Variants in YTHDF3 observed in about 807,000 individuals in gnomAD.
The protein encoded by YTHDF3 is YTH N6-methyladenosine RNA binding protein F3, also known as YTH domain-containing family protein 3.
Under a neutral mutation model 52.5 loss-of-function variants are expected in YTHDF3, and 9 were observed. The ratio of observed to expected loss-of-function variants is 0.17; its 90% confidence interval spans 0.10 to 0.30. YTHDF3 has a LOEUF of 0.30. Among genes scored for constraint, YTHDF3 ranks in the 10% least tolerant of loss-of-function variants. The probability of loss-of-function intolerance (pLI) is 1.00; values close to 1 mark genes in which losing one functional copy is unlikely to be tolerated. For synonymous variants in YTHDF3, 274 were observed against 243.3 expected, an observed-to-expected ratio of 1.13 and a Z score of -1.18; for missense variants, 534 against 715.0, an observed-to-expected ratio of 0.75 and a Z score of 2.89.
At position 63,203,454 on chromosome 8, in the gene YTHDF3, T is replaced by A. The variant is rs182937477; in HGVS notation, c.1735-6229T>A. 1.5e-3 allele frequency among the ~76,000 whole-genome samples: 234 copies of A among 152,334 alleles called. 2 individuals are homozygous for A. The highest frequency in any genetic ancestry group is 4.0e-3 in the African/African-American group (168 of 41,570). On this transcript the variant is annotated intron_variant, in intron 4 of 4. Transcript: ENST00000539294. ...TGTATGCAAGTTATAGTTTACTAAA[T>A]TTAGTGATTTTTAAAAAACTTTATT...
intron 4 of YTHDF3, among the ~76,000 whole-genome samples, chr8:63,191,985 T>C (rs1318066666): frequency 6.6e-6 from 1 of 152,228 alleles, no homozygotes; most frequent in Admixed American, 6.5e-5. Flanking sequence ...ACTTAAAATA[T>C]GTATATTTTT....
chr8:63,176,674 GTT>G (rs10710672), intron 3 of YTHDF3, among the ~76,000 whole-genome samples: 4,006 of 146,330 alleles, frequency 0.027, 177 homozygotes, highest in African/African-American at 0.094. Context: ...TAGAAACTCA[GTT>G]TTTTTTTTTT....
In YTHDF3 at chr8:63,211,619, A is replaced by G. The variant is rs1405349596; in HGVS notation, c.*1913A>G. 6.6e-6 allele frequency: 1 copy of G among 152,528 alleles called. No individual in the cohort carries two copies. The highest frequency in any genetic ancestry group is 1.9e-4 in the East Asian group (1 of 5,190). The allele number at this position is 152,528 out of a possible 1,614,324, so 9.4% of individuals were successfully genotyped here. A position where few individuals can be genotyped will look rare whatever the true frequency, so the allele number is the denominator to read the frequency against. ...GAGGTTCTCTTTTTCTTGGTGCTTTATTAGCAACTCTGGATATTTTTATAA... is the reference window on the plus strand; with the variant it reads ...GAGGTTCTCTTTTTCTTGGTGCTTTGTTAGCAACTCTGGATATTTTTATAA... On this transcript the variant is annotated 3_prime_UTR_variant, in exon 5 of 5. Coordinates refer to ENST00000539294, the MANE Select transcript of YTHDF3 (RefSeq NM_152758.6).
chr8:63,201,733 GC>G lies in YTHDF3; in HGVS notation c.1735-7949del, dbSNP rs1186380798. ...GAAATAACTTGAGGGAATTAAAAAA[GC>G]ATAGTGAAAATCTACAATTAGAGAA... On this transcript the variant is annotated intron_variant, in intron 4 of 4. Transcript: ENST00000539294. 2.0e-5 allele frequency among the ~76,000 whole-genome samples: 3 copies of G among 152,150 alleles called. 1 individual carries two copies.
intron 4 of YTHDF3, among the ~76,000 whole-genome samples, chr8:63,208,446 C>T (rs1810178226): frequency 6.6e-6 from 1 of 152,176 alleles, no homozygotes; most frequent in Admixed American, 6.5e-5. Context: ...AAGTGAGAGT[C>T]TTTTAATGTG....
intron 1 of YTHDF3, 143 bp from the exon 2 acceptor site, chr8:63,169,244 T>C: frequency 1.5e-6 from 2 of 1,301,176 alleles, no homozygotes; most frequent in Non-Finnish European, 2.1e-6. Context: ...GTTGGGAAAT[T>C]GGTGGCTGTG....
intron 4 of YTHDF3, among the ~76,000 whole-genome samples, chr8:63,189,258 A>G (rs1340354749): frequency 6.6e-6 from 1 of 152,192 alleles, no homozygotes; most frequent in Non-Finnish European, 1.5e-5. Flanking sequence ...AGCCCCCCAA[A>G]TATTGGCTAG....
At chr8:63,179,808 C>T (rs567141634) in intron 3 of YTHDF3, among the ~76,000 whole-genome samples, 12 of 151,646 alleles carry the variant, frequency 7.9e-5, no homozygotes, top group African/African-American at 2.4e-4. Flanking sequence ...GGCAGAGGTG[C>T]CCCTCACCTC....
chr8:63,197,367 CTA>C (rs1209778160), intron 4 of YTHDF3, among the ~76,000 whole-genome samples: 5 of 151,844 alleles, frequency 3.3e-5, no homozygotes, highest in African/African-American at 1.2e-4. Context: ...AAAATGCTGT[CTA>C]TTGGTTTTTT....
chr8:63,194,175 T>C (rs1335135486), intron 4 of YTHDF3, among the ~76,000 whole-genome samples: 2 of 152,192 alleles, frequency 1.3e-5, no homozygotes, highest in Non-Finnish European at 2.9e-5. Context: ...CTTCATCTTT[T>C]TGGTCGTAAA....
At chr8:63,195,731 C>CGTGTGT (rs61277098) in intron 4 of YTHDF3, among the ~76,000 whole-genome samples, 2,033 of 145,328 alleles carry the variant, frequency 0.014, 20 homozygotes, top group Non-Finnish European at 0.016. Flanking sequence ...CATGTATTTA[C>CGTGTGT]GTGTGTGTGT....
At chr8:63,179,925 G>T (rs1807975594) in intron 3 of YTHDF3, among the ~76,000 whole-genome samples, 1 of 151,398 alleles carries the variant, frequency 6.6e-6, no homozygotes, top group Non-Finnish European at 1.5e-5. Context: ...GGGCGGCCGG[G>T]CAGAGGCACC....
chr8:63,204,427 T>G (rs1809855234), intron 4 of YTHDF3, among the ~76,000 whole-genome samples: 1 of 151,272 alleles, frequency 6.6e-6, no homozygotes, highest in Non-Finnish European at 1.5e-5. Flanking sequence ...AATGGCGTGA[T>G]CTCGGGTCAC....
intron 4 of YTHDF3, among the ~76,000 whole-genome samples, chr8:63,205,364 A>G (rs539088251): frequency 6.6e-5 from 10 of 152,244 alleles, no homozygotes; most frequent in African/African-American, 1.2e-4. Flanking sequence ...TTAACTATAC[A>G]GTACCTCATT....
chr8:63,179,219 ATTTC>A (rs1807903661), intron 3 of YTHDF3, among the ~76,000 whole-genome samples: 2 of 148,614 alleles, frequency 1.3e-5, no homozygotes, highest in African/African-American at 4.9e-5. Context: ...TCAGTCCTTC[ATTTC>A]TTTTTTTTTT....
Position 63,168,733 on chromosome 8 carries a change from G to T in YTHDF3, c.-145G>T. 1 of 1,494,644 alleles carries T rather than the reference G, an allele frequency of 6.7e-7. No individual in the cohort carries two copies. 92.6% of individuals were successfully genotyped at this position (1,494,644 alleles called of 1,614,324 possible). A position where few individuals can be genotyped will look rare whatever the true frequency, so the allele number is the denominator to read the frequency against. ...TCTTCCTCCGACTCCCGAGCGCGAG[G>T]CCCTCATTTTGGGTTCTCAGCGAAC... On this transcript the variant is annotated 5_prime_UTR_variant, in exon 1 of 5. Coordinates refer to ENST00000539294, the MANE Select transcript of YTHDF3 (RefSeq NM_152758.6).
At chr8:63,180,095 G>A (rs889601617) in intron 3 of YTHDF3, among the ~76,000 whole-genome samples, 3 of 151,272 alleles carry the variant, frequency 2.0e-5, no homozygotes, top group African/African-American at 7.3e-5. Flanking sequence ...CCTCCCTCCC[G>A]GACGAGGTGG....
At chr8:63,179,938 T>G (rs1374564115) in intron 3 of YTHDF3, among the ~76,000 whole-genome samples, 1 of 145,750 alleles carries the variant, frequency 6.9e-6, no homozygotes, top group Non-Finnish European at 1.5e-5. Flanking sequence ...GAGGCACCCC[T>G]CACCTCCCGG....
rs115456337 is a variant in YTHDF3, at chr8:63,183,617, G to A, written c.136-2530G>A. ...CTATTGCAGTTGTAAAAATGCTGTTGATTCCTTTCATGTGAATATTGTGAA... is the reference window on the plus strand; with the variant it reads ...CTATTGCAGTTGTAAAAATGCTGTTAATTCCTTTCATGTGAATATTGTGAA... On this transcript the variant is annotated intron_variant, in intron 3 of 4. Transcript: ENST00000539294. Among the ~76,000 whole-genome samples the A allele has an allele frequency of 8.0e-3, 1,220 of 152,276 alleles. 24 individuals are homozygous for A. The highest frequency in any genetic ancestry group is 0.028 in the African/African-American group (1,175 of 41,542).
Sources: gnomAD v4.1 joint callset for allele counts (sites outside exome capture counted in the v4.1 genomes callset) on GRCh38, gnomAD v4.1.1 for gene constraint, MANE v1.5 for transcripts, NCBI Gene and HGNC (gene_info 2026-07-23, HGNC 2026-07-21) for gene names.